Variants in PCDHGA8 observed in about 807,000 individuals in gnomAD.
PCDHGA8 encodes protocadherin gamma subfamily A, 8.
Under a neutral mutation model 59.2 loss-of-function variants are expected in PCDHGA8, and 45 were observed. That is an observed-to-expected ratio of 0.76 (90% CI 0.60 to 0.98). The LOEUF is 0.98. PCDHGA8 is among the 50% of genes least tolerant of loss of function. The pLI, the probability that PCDHGA8 is intolerant of heterozygous loss-of-function variation, is 0.00. For missense variants in PCDHGA8, 1,257 were observed against 1,196.2 expected (o/e 1.05, Z -0.75); for synonymous variants, 531 against 519.0 (o/e 1.02, Z -0.32).
At chr5:141,484,287 C>T (rs1432341538) in intron 1 of PCDHGA8, among the ~76,000 whole-genome samples, 1 of 152,268 alleles carries the variant, frequency 6.6e-6, no homozygotes, top group Non-Finnish European at 1.5e-5. Context: ...GAAACATCTC[C>T]CTCTCCTGGC....
At chr5:141,409,639 G>T (rs948112966) in intron 1 of PCDHGA8, 2 of 1,613,760 alleles carry the variant, frequency 1.2e-6, no homozygotes, top group African/African-American at 1.3e-5. Flanking sequence ...CCTCTGACCC[G>T]GATTTGGGGC....
chr5:141,422,296 A>C, intron 1 of PCDHGA8: 1 of 1,550,706 alleles, frequency 6.4e-7, no homozygotes, highest in South Asian at 1.3e-5. Context: ...TATTAATTCA[A>C]TTCTGGAAAA....
chr5:141,410,110 C>T, intron 1 of PCDHGA8: 4 of 1,612,540 alleles, frequency 2.5e-6, no homozygotes, highest in Non-Finnish European at 3.4e-6. Flanking sequence ...GCGACAGGGA[C>T]GCAGCCCGCC....
intron 1 of PCDHGA8, chr5:141,405,099 T>C: frequency 6.2e-7 from 1 of 1,613,942 alleles, no homozygotes; most frequent in East Asian, 2.2e-5. Flanking sequence ...GCCCTCAGGC[T>C]GAGGCACTGG....
At chr5:141,433,364 T>C (rs1246641841) in intron 1 of PCDHGA8, 1 of 524,614 alleles carries the variant, frequency 1.9e-6, no homozygotes, top group Admixed American at 3.5e-5. Context: ...TCTGCCTATC[T>C]ATCTATCTAT....
In PCDHGA8 at chr5:141,491,276, A is replaced by G; in HGVS notation, c.2425-3531A>G. The G allele has an allele frequency of 6.2e-7, 1 of 1,614,104 alleles. No individual in the cohort carries two copies. On this transcript the variant is annotated intron_variant, in intron 1 of 3. Coordinates refer to ENST00000398604, the MANE Select transcript of PCDHGA8 (RefSeq NM_032088.2). The surrounding 1 kb of genome is among the most constrained non-coding windows in gnomAD (Gnocchi z 6.9). ...CCTGAGGAAATGCCCAAATCCAGTG[A>G]CTTCCTCATACACCCTCCTGAGCGT...
chr5:141,486,138 C>T lies in PCDHGA8; in HGVS notation c.2425-8669C>T. On this transcript the variant is annotated intron_variant, in intron 1 of 3. Transcript: ENST00000398604. This position sits in a 1 kb window ranked among gnomAD's most constrained non-coding sequence, Gnocchi z 5.0. ...AATTACTATGAATTTGATGTGCGGG[C>T]TCGCGATGGGGGTTCTCCAGCCATG... The T allele has an allele frequency of 6.2e-7, 1 of 1,614,212 alleles. No individual in the cohort carries two copies. The highest frequency in any genetic ancestry group is 1.3e-5 in the African/African-American group (1 of 75,052).
In PCDHGA8 at chr5:141,443,822, A is replaced by G. The variant is rs183934410; in HGVS notation, c.2424+48585A>G. ...GAAACAGTTACCTTTGGAAAACATAATTAGGTAAAATGGGTAATATGGAAA... is the reference window on the plus strand; with the variant it reads ...GAAACAGTTACCTTTGGAAAACATAGTTAGGTAAAATGGGTAATATGGAAA... On this transcript the variant is annotated intron_variant, in intron 1 of 3. Coordinates refer to ENST00000398604, the MANE Select transcript of PCDHGA8 (RefSeq NM_032088.2). Among the ~76,000 whole-genome samples, 330 of 152,316 alleles carry G rather than the reference A, an allele frequency of 2.2e-3. 2 individuals carry two copies. Among genetic ancestry groups the G allele is most frequent in the Non-Finnish European group, 4.1e-3 (279 of 68,018 alleles).
At chr5:141,497,212 G>T (rs968445663) in intron 2 of PCDHGA8, among the ~76,000 whole-genome samples, 3 of 150,900 alleles carry the variant, frequency 2.0e-5, no homozygotes, top group Non-Finnish European at 3.0e-5. Context: ...AGTGTAATGG[G>T]GGGGGGAAGA....
chr5:141,474,291 AGT>A (rs1191263215), intron 1 of PCDHGA8, among the ~76,000 whole-genome samples: 1 of 152,210 alleles, frequency 6.6e-6, no homozygotes, highest in Admixed American at 6.5e-5. Flanking sequence ...CCACTAGATC[AGT>A]GCTTGTCAAA....
rs1446432461 is a variant in PCDHGA8, at chr5:141,511,005, C to G, written c.2631C>G (p.Ala877=). 6.2e-7 allele frequency: 1 copy of G among 1,614,176 alleles called. No individual in the cohort carries two copies. Among genetic ancestry groups the G allele is most frequent in the Middle Eastern group, 1.6e-4 (1 of 6,062 alleles). ...GGGAGTMGLS[A]RYGPQFTLQH... is the part of the protein sequence containing the mutation. ...GTGCCGGCACCATGGGATTGAGCGC[C>G]CGCTACGGACCCCAGTTCACCCTGC... Residue 877 remains alanine, a synonymous_variant, in exon 4 of 4, where the codon GCC becomes GCG. Coordinates refer to ENST00000398604, the MANE Select transcript of PCDHGA8 (RefSeq NM_032088.2).
chr5:141,490,549 C>T lies in PCDHGA8; in HGVS notation c.2425-4258C>T, dbSNP rs2099701539. ...TGCTGGTTCACCTTCCCTACACAAA[C>T]ATCTCACCATCAGGCTCAACATTTC... On this transcript the variant is annotated intron_variant, in intron 1 of 3. Transcript: ENST00000398604. The surrounding 1 kb of genome is among the most constrained non-coding windows in gnomAD (Gnocchi z 5.4). The T allele has an allele frequency of 1.9e-6, 3 of 1,614,178 alleles. No homozygotes were observed. The highest frequency in any genetic ancestry group is 1.7e-6 in the Non-Finnish European group (2 of 1,180,024).
chr5:141,403,137 G>C (rs2094359580), intron 1 of PCDHGA8: 1 of 1,614,038 alleles, frequency 6.2e-7, no homozygotes, highest in Non-Finnish European at 8.5e-7. Flanking sequence ...CTGGCGGAGC[G>C]CCGAGTCCGC....
intron 1 of PCDHGA8, chr5:141,414,677 A>AG: frequency 1.9e-6 from 3 of 1,613,794 alleles, no homozygotes; most frequent in South Asian, 2.2e-5. Flanking sequence ...GACACCATCC[A>AG]GGGGGTACCT....
chr5:141,410,083 C>T (rs752701599), intron 1 of PCDHGA8: 102 of 1,612,590 alleles, frequency 6.3e-5, no homozygotes, highest in Non-Finnish European at 4.7e-5. Flanking sequence ...GGGAGGTGCG[C>T]ACGGCTCGAG....
At chr5:141,409,988 G>GC (rs1561724887) in intron 1 of PCDHGA8, 1 of 1,613,278 alleles carries the variant, frequency 6.2e-7, no homozygotes, top group Non-Finnish European at 8.5e-7. Flanking sequence ...AGCGGTGGAC[G>GC]CCGACTCGGG....
intron 1 of PCDHGA8, chr5:141,397,962 A>T: frequency 1.9e-6 from 2 of 1,037,030 alleles, no homozygotes; most frequent in Admixed American, 2.9e-5. Context: ...CCCAGCTCAG[A>T]CTCCCCAGCG....
Position 141,491,009 on chromosome 5 carries a change from C to A in PCDHGA8, c.2425-3798C>A. On this transcript the variant is annotated intron_variant, in intron 1 of 3. Transcript: ENST00000398604. This position sits in a 1 kb window ranked among gnomAD's most constrained non-coding sequence, Gnocchi z 6.9. ...TCTGCTCCTCCTGGCTCCTTGGTCA[C>A]CAAGGTGACAGCCGTGGATGCTGAT... 4 of 1,614,140 alleles carry A rather than the reference C, an allele frequency of 2.5e-6. No homozygotes were observed. Among genetic ancestry groups the A allele is most frequent in the Non-Finnish European group, 3.4e-6 (4 of 1,180,038 alleles).
rs754667421 is a variant in PCDHGA8 at position 141,394,982 on chromosome 5, C to G, written c.2169C>G (p.Arg723=). 2.7e-5 allele frequency: 44 copies of G among 1,613,866 alleles called. No individual in the cohort carries two copies. Among genetic ancestry groups the G allele is most frequent in the Non-Finnish European group, 3.6e-5 (42 of 1,179,904 alleles). ...GLRLRRWHKS[R]LLQDSGGRLV... ...GGCTGAGGCGCTGGCACAAGTCACG[C>G]CTGCTCCAGGATTCCGGTGGCAGAT... is the stretch of plus-strand genomic sequence containing the variant. The change falls in exon 1 of 4, where the codon CGC becomes CGG. Residue 723 remains arginine (R), a synonymous_variant. Coordinates refer to ENST00000398604, the MANE Select transcript of PCDHGA8 (RefSeq NM_032088.2).
Sources: allele counts gnomAD v4.1 joint callset (sites outside exome capture counted in the v4.1 genomes callset), GRCh38; gene constraint gnomAD v4.1.1; non-coding constraint Gnocchi (gnomAD v3.1); transcripts MANE v1.5; gene names NCBI Gene and HGNC (gene_info 2026-07-23, HGNC 2026-07-21).